CHD6: variants seen among roughly 807,000 people sequenced by gnomAD.
CHD6 encodes the protein chromodomain helicase DNA binding protein 6, also known as ATP-dependent chromatin remodeler CHD6.
Under a neutral mutation model 276.9 loss-of-function variants are expected in CHD6, and 50 were observed. That is an observed-to-expected ratio of 0.18 (90% confidence interval 0.14 to 0.23). The LOEUF is 0.23. CHD6 is among the 10% of genes least tolerant of loss of function. The pLI, the probability that CHD6 is intolerant of heterozygous loss-of-function variation, is 1.00. For synonymous variants in CHD6, 1,173 were observed against 1,229.3 expected, an observed-to-expected ratio of 0.95 and a Z score of 0.96; for missense variants, 2,564 against 3,365.8, an observed-to-expected ratio of 0.76 and a Z score of 5.89.
At chr20:41,529,909 G>T (rs2044640239) in intron 3 of CHD6, among the ~76,000 whole-genome samples, 2 of 152,148 alleles carry the variant, frequency 1.3e-5, no homozygotes, top group Admixed American at 1.3e-4. Context: ...CTGCCTCCAT[G>T]TTTTCATGAG....
intron 1 of CHD6, among the ~76,000 whole-genome samples, chr20:41,552,484 C>T (rs2045161047): frequency 6.6e-6 from 1 of 152,144 alleles, no homozygotes; most frequent in African/African-American, 2.4e-5. Context: ...ACATTGTATT[C>T]ATAAATGATG....
chr20:41,508,916 A>G (rs757971668), intron 5 of CHD6, among the ~76,000 whole-genome samples: 85 of 152,208 alleles, frequency 5.6e-4, no homozygotes, highest in Non-Finnish European at 1.0e-3. Context: ...AAATCATACC[A>G]GTTTATATAA....
chr20:41,410,245 G>A (rs534037764), intron 36 of CHD6, among the ~76,000 whole-genome samples: 2 of 152,174 alleles, frequency 1.3e-5, no homozygotes, highest in African/African-American at 4.8e-5. Context: ...TAGGTCATAG[G>A]GGTCGAGCCC....
chr20:41,440,660 ACTC>A (rs1253625695), intron 25 of CHD6, among the ~76,000 whole-genome samples: 1 of 152,266 alleles, frequency 6.6e-6, no homozygotes, highest in East Asian at 1.9e-4. Context: ...CTTTGGAATT[ACTC>A]CTCATCACAC....
intron 2 of CHD6, among the ~76,000 whole-genome samples, chr20:41,533,787 T>A (rs1203628393): frequency 6.6e-6 from 1 of 152,208 alleles, no homozygotes. Context: ...GTTAGCATAC[T>A]AAATCAGGAT....
At chr20:41,567,097 G>A (rs2045363569) in intron 1 of CHD6, among the ~76,000 whole-genome samples, 1 of 152,144 alleles carries the variant, frequency 6.6e-6, no homozygotes, top group Non-Finnish European at 1.5e-5. Context: ...TTTGTTGGAT[G>A]TTGTCATCTC....
In CHD6 at chr20:41,430,792, C is replaced by T. The variant is rs182684945; in HGVS notation, c.4069-4639G>A. Among the ~76,000 whole-genome samples the T allele has an allele frequency of 2.0e-4, 31 of 151,404 alleles. No homozygotes were observed. In the East Asian group the frequency reaches 5.0e-3, roughly 25 times the overall value. The stretch of plus-strand genomic sequence containing the variant: ...ACTTGAGTTGTTTCTACAGGGAAAA[C>T]GCATCCCAAATTCCAGACAAAAGCA... On this transcript the variant is annotated intron_variant, in intron 27 of 36. Transcript: ENST00000373233.
rs752974816 is a variant in CHD6, at chr20:41,421,332, C to A, written c.5303G>T (p.Gly1768Val). The A allele has an allele frequency of 2.5e-6, 4 of 1,614,110 alleles. No homozygotes were observed. The highest frequency in any genetic ancestry group is 3.4e-6 in the Non-Finnish European group (4 of 1,179,992). ...PTFMGSLEAG[G>V]VAQANIKNGK... ...ATTTTTGATGTTTGCTTGAGCTACT[C>A]CTCCTGCTTCTAAGCTACCCATAAA... The change falls in exon 31 of 37, where the codon GGA becomes GTA. Residue 1768 changes from glycine to valine, a missense_variant. Coordinates refer to ENST00000373233, the MANE Select transcript of CHD6 (RefSeq NM_032221.5).
chr20:41,410,220 G>A (rs1467139291), intron 36 of CHD6, among the ~76,000 whole-genome samples: 1 of 152,176 alleles, frequency 6.6e-6, no homozygotes, highest in Non-Finnish European at 1.5e-5. Context: ...GATGCGGGGG[G>A]TTTAGGACGG....
intron 1 of CHD6, among the ~76,000 whole-genome samples, chr20:41,592,274 G>A (rs972262702): frequency 6.6e-6 from 1 of 151,794 alleles, no homozygotes; most frequent in African/African-American, 2.4e-5. Flanking sequence ...TTTAAAAAAA[G>A]GACATGAACC....
intron 2 of CHD6, among the ~76,000 whole-genome samples, chr20:41,550,094 T>A (rs1601130450): frequency 6.6e-6 from 1 of 152,268 alleles, no homozygotes; most frequent in East Asian, 1.9e-4. Flanking sequence ...AGCCACTGCA[T>A]CCAGCCAGTA....
chr20:41,429,703 T>C (rs2047474241), intron 27 of CHD6, among the ~76,000 whole-genome samples: 1 of 152,222 alleles, frequency 6.6e-6, no homozygotes, highest in Non-Finnish European at 1.5e-5. Flanking sequence ...GAAAGCTAGA[T>C]GGAACCCATG....
intron 16 of CHD6, among the ~76,000 whole-genome samples, chr20:41,481,321 A>C (rs764027706): frequency 1.3e-5 from 2 of 151,938 alleles, no homozygotes; most frequent in African/African-American, 2.4e-5. Context: ...CATAAATAAA[A>C]TTAAAGAACA....
intron 3 of CHD6, among the ~76,000 whole-genome samples, chr20:41,522,657 C>A (rs1001803413): frequency 6.6e-6 from 1 of 151,580 alleles, no homozygotes; most frequent in African/African-American, 2.4e-5. Context: ...CACGCGTGCG[C>A]GCACACACAC....
At chr20:41,550,257 C>T (rs138883870) in intron 2 of CHD6, among the ~76,000 whole-genome samples, 265 of 152,272 alleles carry the variant, frequency 1.7e-3, no homozygotes, top group Non-Finnish European at 2.8e-3. Context: ...GTTTTGCACA[C>T]CTGAGTATAT....
In CHD6 at chr20:41,404,863, C is replaced by T. The variant is rs1038067600; in HGVS notation, c.7878G>A (p.Met2626Ile). The change falls in exon 37 of 37, where the codon ATG (methionine) becomes ATA (isoleucine). Residue 2626 changes from methionine (M) to isoleucine (I), a missense_variant. By Grantham distance (10) the Met-to-Ile change is conservative. Around this residue, in one of 7 missense-constraint regions of CHD6, gnomAD observed 238 missense variants for 266.0 expected, o/e 0.89. Coordinates refer to ENST00000373233, the MANE Select transcript of CHD6 (RefSeq NM_032221.5). ...CCATGCCCATACCAGGGGAGAGGAA[C>T]ATGGATGGGTAAATGAGTCCAGGAG... ...GVSPGLIYPS[M>I]FLSPGMGMAL... is the part of the protein sequence containing the mutation. 1.2e-6 allele frequency: 2 copies of T among 1,614,112 alleles called. No individual in the cohort carries two copies. Among genetic ancestry groups the T allele is most frequent in the East Asian group, 2.2e-5 (1 of 44,882 alleles).
intron 1 of CHD6, among the ~76,000 whole-genome samples, chr20:41,567,842 C>T (rs1214238919): frequency 6.6e-6 from 1 of 152,182 alleles, no homozygotes; most frequent in African/African-American, 2.4e-5. Flanking sequence ...GATTGACTGG[C>T]ACTCCCTGAA....
intron 1 of CHD6, among the ~76,000 whole-genome samples, chr20:41,618,015 C>T (rs1230910631): frequency 1.4e-5 from 2 of 147,164 alleles, no homozygotes; most frequent in African/African-American, 4.9e-5. Context: ...CGGACCCCCG[C>T]CCCTGCGCGC....
chr20:41,405,605 C>A, intron 36 of CHD6, 116 bp from the exon 37 acceptor site: 1 of 759,876 alleles, frequency 1.3e-6, no homozygotes, highest in Non-Finnish European at 2.1e-6. Flanking sequence ...ACGAAGGGTT[C>A]CCAGTACAAG....
Sources: gnomAD v4.1 joint callset for allele counts (sites outside exome capture counted in the v4.1 genomes callset) on GRCh38, gnomAD v4.1.1 for gene constraint, gnomAD v4.1.1 regional missense constraint, MANE v1.5 for transcripts, NCBI Gene and HGNC (gene_info 2026-07-23, HGNC 2026-07-21) for gene names.